Variants in RUNX3 observed in about 807,000 individuals in gnomAD.
The protein encoded by RUNX3 is RUNX family transcription factor 3, also known as runt-related transcription factor 3.
A neutral mutation model predicts 27.7 loss-of-function variants in RUNX3; 10 were observed. The ratio of observed to expected loss-of-function variants is 0.36; its 90% CI spans 0.22 to 0.61. RUNX3 has a LOEUF of 0.61. RUNX3 is among the 20% of genes least tolerant of loss of function. The pLI is 0.72. For missense variants in RUNX3, 469 were observed against 629.5 expected (o/e 0.75, Z 2.73); for synonymous variants, 270 against 269.2 (o/e 1.00, Z -0.03).
intron 2 of RUNX3, among the ~76,000 whole-genome samples, chr1:24,954,233 G>A (rs569577061): frequency 2.0e-5 from 3 of 152,344 alleles, no homozygotes; most frequent in South Asian, 2.1e-4. Context: ...TGAGATTACC[G>A]AGCTTATTTT....
chr1:24,927,759 G>A lies in RUNX3; in HGVS notation c.283-29C>T, dbSNP rs1331053412. On this transcript the variant is annotated intron_variant, in intron 1 of 4. Transcript: ENST00000308873. This position sits in a 1 kb window ranked among gnomAD's most constrained non-coding sequence, Gnocchi z 5.0. ...AAGACACGGGGCGGGGGGATGCAGG[G>A]GGACAGCTTAGAAAGGAAGAGGGTG... 1.9e-6 allele frequency: 3 copies of A among 1,611,790 alleles called. No individual in the cohort carries two copies. Among genetic ancestry groups the A allele is most frequent in the African/African-American group, 2.7e-5 (2 of 74,894 alleles).
intron 2 of RUNX3, among the ~76,000 whole-genome samples, chr1:24,951,099 G>A (rs865892434): frequency 2.0e-5 from 3 of 150,452 alleles, no homozygotes; most frequent in South Asian, 4.2e-4. Context: ...CCAGCTACTC[G>A]GAAGGCTGAG....
rs1268489011 is a variant in RUNX3, at chr1:24,900,796, T to C, written c.*1326A>G. On this transcript the variant is annotated 3_prime_UTR_variant, in exon 5 of 5. Coordinates refer to ENST00000308873, the MANE Select transcript of RUNX3 (RefSeq NM_004350.3). ...GAGCCTGTGGTGCAGGCTGGTGGGA[T>C]GCTGCCTGATGGGGAGTGTAGCCCC... 1 of 152,194 alleles carries C rather than the reference T, an allele frequency of 6.6e-6. No homozygotes were observed. The highest frequency in any genetic ancestry group is 1.5e-5 in the Non-Finnish European group (1 of 68,084). 9.4% of individuals were successfully genotyped at this position (152,194 alleles called of 1,614,324 possible). A position where few individuals can be genotyped will look rare whatever the true frequency, so the allele number is the denominator to read the frequency against.
At chr1:24,908,441 G>A (rs1557837535) in intron 3 of RUNX3, among the ~76,000 whole-genome samples, 1 of 151,970 alleles carries the variant, frequency 6.6e-6, no homozygotes, top group Admixed American at 6.6e-5. Flanking sequence ...GAACCCAGGA[G>A]TTTGAGATCA....
At chr1:24,957,254 G>C (rs1641961258) in intron 2 of RUNX3, among the ~76,000 whole-genome samples, 1 of 152,208 alleles carries the variant, frequency 6.6e-6, no homozygotes, top group Non-Finnish European at 1.5e-5. Flanking sequence ...GTGTTTCAAA[G>C]AAGAAGCCAG....
At chr1:24,913,340 G>A (rs1439713558) in intron 3 of RUNX3, among the ~76,000 whole-genome samples, 1 of 152,238 alleles carries the variant, frequency 6.6e-6, no homozygotes, top group Non-Finnish European at 1.5e-5. Flanking sequence ...AGGGCCCAGT[G>A]GCCCCAAGCT....
chr1:24,911,795 A>G (rs960918047), intron 3 of RUNX3, among the ~76,000 whole-genome samples: 3 of 152,174 alleles, frequency 2.0e-5, no homozygotes, highest in Non-Finnish European at 4.4e-5. Context: ...CTTCACCATG[A>G]GACCGACGCT....
Position 24,928,062 on chromosome 1 carries a change from T to C in RUNX3, c.283-332A>G, listed in dbSNP as rs151233303. On this transcript the variant is annotated intron_variant, in intron 1 of 4. Coordinates refer to ENST00000308873, the MANE Select transcript of RUNX3 (RefSeq NM_004350.3). ...TATGATGTGGGGTGCAGTTCCCCTG[T>C]TGTCTTCGGCTGCAGCGAAAGAGGA... Among the ~76,000 whole-genome samples the C allele has an allele frequency of 3.0e-3, 460 of 152,342 alleles. 2 individuals carry two copies. Among genetic ancestry groups the C allele is most frequent in the African/African-American group, 0.01 (429 of 41,566 alleles).
intron 4 of RUNX3, among the ~76,000 whole-genome samples, chr1:24,903,781 T>C (rs1192210605): frequency 6.6e-6 from 1 of 152,210 alleles, no homozygotes; most frequent in African/African-American, 2.4e-5. Context: ...CAAGGCTTAC[T>C]GTGTGGCTTC....
chr1:24,958,573 T>A (rs1479862987), intron 2 of RUNX3, among the ~76,000 whole-genome samples: 1 of 152,164 alleles, frequency 6.6e-6, no homozygotes, highest in African/African-American at 2.4e-5. Flanking sequence ...GAGATTCCCA[T>A]CCCCACTGTG....
intron 3 of RUNX3, among the ~76,000 whole-genome samples, chr1:24,912,338 C>T (rs1478490304): frequency 1.3e-5 from 2 of 152,182 alleles, no homozygotes; most frequent in Admixed American, 6.5e-5. Context: ...GGCCCCAGGG[C>T]CCACCCACTA....
rs1415911279 is a variant in RUNX3 at position 24,904,211 on chromosome 1, T to G, written c.704-1545A>C. ...GGTGCTAGCCGGAGTGGGCTCTGCCTGCCACGCCGAGGCTTGGCTGAGGAC... is the reference window on the plus strand; with the variant it reads ...GGTGCTAGCCGGAGTGGGCTCTGCCGGCCACGCCGAGGCTTGGCTGAGGAC... On this transcript the variant is annotated intron_variant, in intron 4 of 4. Coordinates refer to ENST00000308873, the MANE Select transcript of RUNX3 (RefSeq NM_004350.3). This position sits in a 1 kb window ranked among gnomAD's most constrained non-coding sequence, Gnocchi z 5.7. Among the ~76,000 whole-genome samples, 3 of 152,202 alleles carry G rather than the reference T, an allele frequency of 2.0e-5. No individual in the cohort carries two copies. Among genetic ancestry groups the G allele is most frequent in the African/African-American group, 7.2e-5 (3 of 41,444 alleles).
At chr1:24,919,661 C>T (rs1297535192) in intron 2 of RUNX3, among the ~76,000 whole-genome samples, 1 of 151,790 alleles carries the variant, frequency 6.6e-6, no homozygotes, top group Admixed American at 6.6e-5. Flanking sequence ...TGGTGGGGAG[C>T]AGGATGGGTA....
intron 3 of RUNX3, among the ~76,000 whole-genome samples, chr1:24,909,240 G>A (rs1640752462): frequency 6.6e-6 from 1 of 152,136 alleles, no homozygotes; most frequent in Non-Finnish European, 1.5e-5. Flanking sequence ...CATTTCACAA[G>A]CAACACGTGA....
intron 2 of RUNX3, among the ~76,000 whole-genome samples, chr1:24,949,377 G>A (rs1168186451): frequency 2.0e-5 from 3 of 152,110 alleles, no homozygotes; most frequent in Non-Finnish European, 4.4e-5. Flanking sequence ...CCCGCCCCCC[G>A]TGAGCAGACC....
chr1:24,907,168 C>T (rs1207153493), intron 4 of RUNX3, 91 bp downstream of exon 4: 10 of 1,352,902 alleles, frequency 7.4e-6, no homozygotes, highest in Non-Finnish European at 9.0e-6. Flanking sequence ...GACTGATCTT[C>T]GGACAGGCTT....
At chr1:24,905,528 C>G (rs1218600559) in intron 4 of RUNX3, among the ~76,000 whole-genome samples, 1 of 152,236 alleles carries the variant, frequency 6.6e-6, no homozygotes, top group Non-Finnish European at 1.5e-5. Flanking sequence ...GGCAGAGAAG[C>G]AGAAGTCAGC....
In RUNX3 at chr1:24,929,980, G is replaced by T; in HGVS notation, c.-112C>A. ...TGCCGCGAGAAGCGGGAAAGCAGAA[G>T]CGGCGGGGCCCGGGCCTCAGGGCGC... On this transcript the variant is annotated 5_prime_UTR_variant, in exon 1 of 5. Coordinates refer to ENST00000308873, the MANE Select transcript of RUNX3 (RefSeq NM_004350.3). The T allele has an allele frequency of 8.4e-7, 1 of 1,184,186 alleles. No homozygotes were observed. The highest frequency in any genetic ancestry group is 1.6e-5 in the African/African-American group (1 of 62,134). 73.4% of individuals were successfully genotyped at this position (1,184,186 alleles called of 1,614,324 possible).
chr1:24,938,196 C>T (rs773756226), intron 2 of RUNX3, among the ~76,000 whole-genome samples: 7 of 152,180 alleles, frequency 4.6e-5, no homozygotes, highest in Non-Finnish European at 7.4e-5. Flanking sequence ...TGCTGGGTAA[C>T]CTTGAGCAAG....
Sources: allele counts gnomAD v4.1 joint callset (sites outside exome capture counted in the v4.1 genomes callset), GRCh38; gene constraint gnomAD v4.1.1; non-coding constraint Gnocchi (gnomAD v3.1); transcripts MANE v1.5; gene names NCBI Gene and HGNC (gene_info 2026-07-23, HGNC 2026-07-21).